Variants in PARD3 observed in about 807,000 individuals in gnomAD.
PARD3 encodes the protein partitioning defective 3 homolog.
PARD3 carries 75 observed loss-of-function variants against 155.4 expected under a neutral mutation model. The ratio of observed to expected loss-of-function variants is 0.48; its 90% confidence interval spans 0.40 to 0.58. The LOEUF is 0.58. Among genes scored for constraint, PARD3 ranks in the 20% least tolerant of loss-of-function variants. The pLI, the probability that PARD3 is intolerant of heterozygous loss-of-function variation, is 0.00. For synonymous variants in PARD3, 576 were observed against 610.5 expected, an observed-to-expected ratio of 0.94 and a Z score of 0.83; for missense variants, 1,642 against 1,721.7, an observed-to-expected ratio of 0.95 and a Z score of 0.82.
rs998900023 is a variant in PARD3, at chr10:34,255,929, G to A, written c.3419+13728C>T. ...TAAGATTTTAGGGGGATTCATTTGA[G>A]GGGAACTTAGAATAACTACTTTTTA... On this transcript the variant is annotated intron_variant, in intron 22 of 24. Transcript: ENST00000374788. Among the ~76,000 whole-genome samples the A allele has an allele frequency of 2.0e-5, 3 of 152,146 alleles. No homozygotes were observed. The East Asian group carries it at 5.8e-4, about 29-fold the overall frequency.
At chr10:34,474,647 G>A (rs1430070668) in intron 3 of PARD3, among the ~76,000 whole-genome samples, 1 of 152,218 alleles carries the variant, frequency 6.6e-6, no homozygotes, top group Admixed American at 6.5e-5. Flanking sequence ...TGAGTAAGCT[G>A]AGGCTCAGAG....
intron 5 of PARD3, 113 bp downstream of exon 5, chr10:34,450,204 G>A: frequency 1.0e-6 from 1 of 989,554 alleles, no homozygotes; most frequent in Non-Finnish European, 1.5e-6. Flanking sequence ...ACTAAAGTTT[G>A]TTAGAATAAT....
chr10:34,534,071 C>T (rs947448177), intron 2 of PARD3, among the ~76,000 whole-genome samples: 4 of 151,982 alleles, frequency 2.6e-5, no homozygotes, highest in Non-Finnish European at 5.9e-5. Context: ...ACTTGTAAGG[C>T]AACAAGTATC....
chr10:34,295,882 G>A (rs762120904), intron 20 of PARD3, among the ~76,000 whole-genome samples: 21 of 152,192 alleles, frequency 1.4e-4, no homozygotes, highest in African/African-American at 5.1e-4. Context: ...AACATGAGCA[G>A]ACAGATGTAC....
intron 2 of PARD3, among the ~76,000 whole-genome samples, chr10:34,606,121 C>G (rs1392733401): frequency 7.0e-6 from 1 of 142,416 alleles, no homozygotes; most frequent in South Asian, 2.3e-4. Flanking sequence ...TACAGAACTA[C>G]ATATATCTAT....
intron 5 of PARD3, among the ~76,000 whole-genome samples, chr10:34,423,795 T>C (rs930449378): frequency 1.3e-5 from 2 of 152,198 alleles, no homozygotes; most frequent in African/African-American, 4.8e-5. Flanking sequence ...TTACGTCAAA[T>C]TATGCAACAA....
intron 7 of PARD3, among the ~76,000 whole-genome samples, chr10:34,387,135 G>C (rs1281066191): frequency 6.6e-6 from 1 of 152,090 alleles, no homozygotes; most frequent in Non-Finnish European, 1.5e-5. Flanking sequence ...CAGTTAATGA[G>C]TTTTTAATTG....
intron 2 of PARD3, among the ~76,000 whole-genome samples, chr10:34,548,785 A>G (rs1478685074): frequency 6.6e-6 from 1 of 151,678 alleles, no homozygotes. Flanking sequence ...TTAGTTTTGC[A>G]AATACTTTGA....
intron 1 of PARD3, among the ~76,000 whole-genome samples, chr10:34,733,608 C>T (rs1244746740): frequency 2.0e-5 from 3 of 152,210 alleles, no homozygotes; most frequent in Non-Finnish European, 4.4e-5. Flanking sequence ...CTCAGCCTCC[C>T]AAGCAGCTGA....
intron 22 of PARD3, among the ~76,000 whole-genome samples, chr10:34,253,171 A>G (rs1313023763): frequency 6.6e-6 from 1 of 152,198 alleles, no homozygotes; most frequent in Non-Finnish European, 1.5e-5. Context: ...TTACAAATAA[A>G]TATCAGAAGG....
intron 5 of PARD3, among the ~76,000 whole-genome samples, chr10:34,420,929 A>G (rs1324090676): frequency 6.6e-6 from 1 of 152,178 alleles, no homozygotes; most frequent in Admixed American, 6.5e-5. Context: ...TAATCCCAAC[A>G]CTTTGGGAGG....
At chr10:34,548,400 G>A (rs983454599) in intron 2 of PARD3, among the ~76,000 whole-genome samples, 3 of 152,058 alleles carry the variant, frequency 2.0e-5, no homozygotes, top group African/African-American at 4.8e-5. Context: ...TCAGGAGGTC[G>A]AGGCACAAGA....
intron 14 of PARD3, among the ~76,000 whole-genome samples, chr10:34,351,057 T>G (rs950629874): frequency 9.9e-5 from 15 of 152,104 alleles, no homozygotes; most frequent in African/African-American, 3.4e-4. Flanking sequence ...ATCTGTGGGG[T>G]TTAATAAAAT....
In PARD3 at chr10:34,144,100, T is replaced by C. The variant is rs1405989162; in HGVS notation, c.3420-12517A>G. On this transcript the variant is annotated intron_variant, in intron 22 of 24. Transcript: ENST00000374788. ...ACAAAAACAGTGTGACCATATTGGT[T>C]TGGAGTTATTGATAGATTTTGAAAA... is the stretch of plus-strand genomic sequence containing the variant. Among the ~76,000 whole-genome samples, 4 of 152,176 alleles carry C rather than the reference T, an allele frequency of 2.6e-5. No homozygotes were observed. The South Asian group carries it at 8.3e-4, about 31-fold the overall frequency.
At chr10:34,440,795 G>A (rs1424999913) in intron 5 of PARD3, among the ~76,000 whole-genome samples, 1 of 152,038 alleles carries the variant, frequency 6.6e-6, no homozygotes, top group African/African-American at 2.4e-5. Context: ...GAGTGATGCT[G>A]TGCCCTCCAA....
intron 2 of PARD3, among the ~76,000 whole-genome samples, chr10:34,693,702 A>G (rs1472233364): frequency 6.6e-6 from 1 of 152,146 alleles, no homozygotes; most frequent in African/African-American, 2.4e-5. Flanking sequence ...CCCTGAATCT[A>G]GAATAAAACT....
chr10:34,517,859 G>C (rs959696387), intron 2 of PARD3, among the ~76,000 whole-genome samples: 1 of 152,070 alleles, frequency 6.6e-6, no homozygotes, highest in African/African-American at 2.4e-5. Flanking sequence ...ATCAGTATGA[G>C]CTCAGTTTTT....
intron 22 of PARD3, among the ~76,000 whole-genome samples, chr10:34,228,276 C>A (rs1437780461): frequency 1.3e-5 from 2 of 151,838 alleles, no homozygotes; most frequent in Non-Finnish European, 2.9e-5. Context: ...AGGGTAAGGA[C>A]TGAAAAACCA....
At chr10:34,232,668 G>A (rs184118322) in intron 22 of PARD3, among the ~76,000 whole-genome samples, 5 of 152,240 alleles carry the variant, frequency 3.3e-5, no homozygotes, top group African/African-American at 1.2e-4. Flanking sequence ...AGGGTAGGTA[G>A]GATTGTTGCC....
Sources: gnomAD v4.1 joint callset for allele counts (sites outside exome capture counted in the v4.1 genomes callset) on GRCh38, gnomAD v4.1.1 for gene constraint, MANE v1.5 for transcripts, NCBI Gene and HGNC (gene_info 2026-07-23, HGNC 2026-07-21) for gene names.